Variants in NFIA observed in about 807,000 individuals in gnomAD.
NFIA encodes the protein nuclear factor 1 A-type.
NFIA carries 8 observed loss-of-function variants against 62.8 expected under a neutral mutation model. That is an observed-to-expected ratio of 0.13 (90% CI 0.07 to 0.23). The LOEUF (loss-of-function observed/expected upper bound fraction) is 0.23. Ranked by LOEUF, NFIA falls within the 10% of genes least tolerant of loss-of-function variation. NFIA has a pLI of 1.00. For synonymous variants in NFIA, 235 were observed against 238.1 expected (o/e 0.99, Z 0.12); for missense variants, 410 against 642.1 (o/e 0.64, Z 3.91).
At position 61,435,826 on chromosome 1, in the gene NFIA, A is replaced by G. The variant is rs569146287; in HGVS notation, c.1512+9270A>G. 4.6e-5 allele frequency among the ~76,000 whole-genome samples: 7 copies of G among 152,290 alleles called. 1 individual carries two copies. In the South Asian group the frequency reaches 1.5e-3, roughly 32 times the overall value. ...GGATAGACTGTTAATAGGATCTGCCATATTCTTTTTTCCTATTCCCTGATA... is the reference window on the plus strand; with the variant it reads ...GGATAGACTGTTAATAGGATCTGCCGTATTCTTTTTTCCTATTCCCTGATA... On this transcript the variant is annotated intron_variant, in intron 10 of 10. Transcript: ENST00000403491.
At chr1:61,285,740 G>A (rs1658447033) in intron 3 of NFIA, among the ~76,000 whole-genome samples, 1 of 152,146 alleles carries the variant, frequency 6.6e-6, no homozygotes, top group East Asian at 1.9e-4. Flanking sequence ...ATACTTGGTT[G>A]ATTTTAACCC....
At chr1:61,138,225 A>G (rs1647250017) in intron 2 of NFIA, among the ~76,000 whole-genome samples, 1 of 151,942 alleles carries the variant, frequency 6.6e-6, no homozygotes, top group African/African-American at 2.4e-5. Context: ...CCTCCTAGGT[A>G]GCTGGGACTA....
chr1:61,277,666 GC>G, intron 3 of NFIA, 81 bp downstream of exon 3: 2 of 1,423,308 alleles, frequency 1.4e-6, no homozygotes, highest in Non-Finnish European at 2.0e-6. Context: ...GGATTTGGGG[GC>G]CTACCCTATA....
chr1:61,371,766 CAG>C (rs1458699352), intron 6 of NFIA, among the ~76,000 whole-genome samples: 1 of 152,138 alleles, frequency 6.6e-6, no homozygotes, highest in Non-Finnish European at 1.5e-5. Context: ...AAGACAAAGA[CAG>C]AGAGGAACCT....
chr1:61,431,927 A>G (rs1310307801), intron 10 of NFIA, among the ~76,000 whole-genome samples: 1 of 152,210 alleles, frequency 6.6e-6, no homozygotes, highest in Non-Finnish European at 1.5e-5. Flanking sequence ...TGTTTACTTA[A>G]TTGCTTAATA....
chr1:61,424,575 C>G lies in NFIA; in HGVS notation c.1421-1890C>G, dbSNP rs559394909. Among the ~76,000 whole-genome samples the G allele has an allele frequency of 3.9e-5, 6 of 152,202 alleles. No individual in the cohort carries two copies. The South Asian group carries it at 1.2e-3, about 32-fold the overall frequency. On this transcript the variant is annotated intron_variant, in intron 9 of 10. Transcript: ENST00000403491. The stretch of plus-strand genomic sequence containing the variant: ...AATATACCCTTCATTCCTTTTTGTT[C>G]CTTCTCAACCTACCTACCTATTCAT...
chr1:61,239,498 T>C (rs953120522), intron 2 of NFIA, among the ~76,000 whole-genome samples: 1 of 152,208 alleles, frequency 6.6e-6, no homozygotes, highest in African/African-American at 2.4e-5. Flanking sequence ...CATTCTAATA[T>C]GTATTCTTCT....
intron 4 of NFIA, among the ~76,000 whole-genome samples, chr1:61,340,659 G>A (rs1661848682): frequency 6.6e-6 from 1 of 152,204 alleles, no homozygotes; most frequent in Admixed American, 6.5e-5. Context: ...TGTGTGCTCA[G>A]AGCCAATCTT....
intron 3 of NFIA, among the ~76,000 whole-genome samples, chr1:61,281,106 G>A (rs892100371): frequency 1.3e-5 from 2 of 151,974 alleles, no homozygotes; most frequent in African/African-American, 4.8e-5. Flanking sequence ...CAGGCATAGT[G>A]GCACATGCCT....
upstream of NFIA, among the ~76,000 whole-genome samples, chr1:61,077,788 T>C (rs1646049561): frequency 6.6e-6 from 1 of 152,194 alleles, no homozygotes; most frequent in South Asian, 2.1e-4. Context: ...ATGGTTTTGT[T>C]TTAAAGATGT....
rs1174703619 is a variant in NFIA, at chr1:61,445,667, A to C, written c.1513-9636A>C. Among the ~76,000 whole-genome samples, 2 of 152,248 alleles carry C rather than the reference A, an allele frequency of 1.3e-5. 1 individual carries two copies. Among genetic ancestry groups the C allele is most frequent in the South Asian group, 4.1e-4 (2 of 4,830 alleles). ...ATAACACAGAGCTATGACCGCGCAC[A>C]GGGAAATTGTTTGGTATTTATCCAG... On this transcript the variant is annotated intron_variant, in intron 10 of 10. Transcript: ENST00000403491.
intron 2 of NFIA, among the ~76,000 whole-genome samples, chr1:61,107,555 T>G (rs1646625833): frequency 6.6e-6 from 1 of 151,632 alleles, no homozygotes; most frequent in South Asian, 2.1e-4. Flanking sequence ...AGGAGTTCTT[T>G]ATAGATTCTG....
At chr1:61,147,847 A>G (rs966093375) in intron 2 of NFIA, among the ~76,000 whole-genome samples, 3 of 152,152 alleles carry the variant, frequency 2.0e-5, no homozygotes, top group Non-Finnish European at 4.4e-5. Flanking sequence ...AATTGGTGAA[A>G]TGGGAGAACA....
intron 2 of NFIA, among the ~76,000 whole-genome samples, chr1:61,179,979 C>T (rs960228195): frequency 3.2e-4 from 48 of 152,122 alleles, no homozygotes; most frequent in Non-Finnish European, 5.1e-4. Context: ...CGGCTGATAT[C>T]GAGTCAATCA....
intron 2 of NFIA, among the ~76,000 whole-genome samples, chr1:61,255,943 T>C (rs1431340951): frequency 6.6e-6 from 1 of 152,104 alleles, no homozygotes; most frequent in Non-Finnish European, 1.5e-5. Flanking sequence ...TGCCCTCGGG[T>C]AGACCAAATG....
intron 10 of NFIA, among the ~76,000 whole-genome samples, chr1:61,441,292 G>GGGGTGTGTGTGTGTGT (rs1265393029): frequency 7.2e-6 from 1 of 139,372 alleles, no homozygotes; most frequent in East Asian, 2.2e-4. Flanking sequence ...GCCGTGCAGG[G>GGGGTGTGTGTGTGTGT]GTGTGTGTGT....
chr1:61,155,459 G>C (rs1648734829), intron 2 of NFIA, among the ~76,000 whole-genome samples: 1 of 150,878 alleles, frequency 6.6e-6, no homozygotes, highest in African/African-American at 2.4e-5. Flanking sequence ...GGATCATGAG[G>C]TCAGGAGATC....
At chr1:61,239,919 G>A (rs1655239066) in intron 2 of NFIA, among the ~76,000 whole-genome samples, 1 of 151,974 alleles carries the variant, frequency 6.6e-6, no homozygotes, top group African/African-American at 2.4e-5. Flanking sequence ...TCATTACTGT[G>A]CTATAATTAT....
chr1:61,414,495 T>A (rs182594935), intron 9 of NFIA, among the ~76,000 whole-genome samples: 102 of 152,142 alleles, frequency 6.7e-4, no homozygotes, highest in Non-Finnish European at 1.2e-4. Flanking sequence ...AGCATGAGGA[T>A]CTTTGCTTTA....
Sources: gnomAD v4.1 joint callset for allele counts (sites outside exome capture counted in the v4.1 genomes callset) on GRCh38, gnomAD v4.1.1 for gene constraint, MANE v1.5 for transcripts, NCBI Gene and HGNC (gene_info 2026-07-23, HGNC 2026-07-21) for gene names.